Variants in PCDH15 observed in about 807,000 individuals in gnomAD.
PCDH15 encodes the protein protocadherin-15.
In PCDH15, 129 loss-of-function variants were observed where a neutral mutation model predicts 178.5. The ratio of observed to expected loss-of-function variants is 0.72; its 90% CI spans 0.63 to 0.84. The LOEUF is 0.84. Ranked by LOEUF, PCDH15 falls within the 40% of genes least tolerant of loss-of-function variation. The pLI is 0.00. For synonymous variants in PCDH15, 800 were observed against 732.0 expected (o/e 1.09, Z -1.50); for missense variants, 2,230 against 2,099.9 (o/e 1.06, Z -1.21).
At chr10:55,063,265 A>G (rs1161059896) in intron 2 of PCDH15, among the ~76,000 whole-genome samples, 1 of 152,176 alleles carries the variant, frequency 6.6e-6, no homozygotes, top group Non-Finnish European at 1.5e-5. Flanking sequence ...GTTTTATAAA[A>G]TACAGTTTCT....
chr10:54,347,146 T>C (rs970408253), intron 5 of PCDH15, among the ~76,000 whole-genome samples: 21 of 152,226 alleles, frequency 1.4e-4, no homozygotes, highest in African/African-American at 4.8e-4. Context: ...CTAGTCTTAA[T>C]TCTTACTTAT....
chr10:55,167,856 T>C (rs1365056926), intron 1 of PCDH15, among the ~76,000 whole-genome samples: 1 of 152,172 alleles, frequency 6.6e-6, no homozygotes, highest in Non-Finnish European at 1.5e-5. Context: ...TATTTTACAA[T>C]GGTTCTAAGG....
At chr10:54,356,765 T>A (rs991167107) in intron 5 of PCDH15, among the ~76,000 whole-genome samples, 4 of 151,832 alleles carry the variant, frequency 2.6e-5, no homozygotes, top group Non-Finnish European at 4.4e-5. Flanking sequence ...TTATTCTGTA[T>A]GGGGACCTGG....
chr10:54,852,654 C>T (rs973333203), intron 3 of PCDH15, among the ~76,000 whole-genome samples: 1 of 150,254 alleles, frequency 6.7e-6, no homozygotes, highest in Non-Finnish European at 1.5e-5. Context: ...AGTTCAAGAC[C>T]AACTTGGCTA....
intron 2 of PCDH15, among the ~76,000 whole-genome samples, chr10:54,659,767 A>AT (rs35826456): frequency 0.41 from 61,514 of 149,978 alleles, 14,120 homozygotes; most frequent in Non-Finnish European, 0.53. Flanking sequence ...AAAAAAAAAA[A>AT]ATACATATCA....
chr10:54,926,154 G>T (rs1353353600), intron 2 of PCDH15, among the ~76,000 whole-genome samples: 3 of 152,060 alleles, frequency 2.0e-5, no homozygotes, highest in Non-Finnish European at 2.9e-5. Context: ...GTTTTAACCT[G>T]AAGGAATGTT....
chr10:55,167,189 C>A (rs562385029), intron 1 of PCDH15, among the ~76,000 whole-genome samples: 13 of 152,120 alleles, frequency 8.5e-5, no homozygotes, highest in Non-Finnish European at 1.6e-4. Context: ...TCACAGCTCA[C>A]TGCAGCCTCA....
chr10:54,052,138 A>C (rs913399540), intron 18 of PCDH15, among the ~76,000 whole-genome samples: 1 of 152,224 alleles, frequency 6.6e-6, no homozygotes, highest in South Asian at 2.1e-4. Context: ...ACGGTAGTGC[A>C]GAAAGGAAAC....
At chr10:55,467,966 C>CAA (rs71463104) in intron 2 of PCDH15, among the ~76,000 whole-genome samples, 1,203 of 36,228 alleles carry the variant, frequency 0.033, 119 homozygotes, top group African/African-American at 0.063. Context: ...GACTCCGTCT[C>CAA]AAAAAAAAAA....
intron 6 of PCDH15, among the ~76,000 whole-genome samples, chr10:54,331,283 ATC>A (rs1939499192): frequency 6.6e-6 from 1 of 151,408 alleles, no homozygotes; most frequent in African/African-American, 2.4e-5. Context: ...TTGTCTCTCT[ATC>A]TCTCTTTCTC....
At chr10:55,155,548 C>T (rs745420420) in intron 2 of PCDH15, among the ~76,000 whole-genome samples, 102 of 148,684 alleles carry the variant, frequency 6.9e-4, no homozygotes, top group Non-Finnish European at 1.1e-3. Flanking sequence ...TATCATAGAT[C>T]AGAAAAAGGA....
intron 2 of PCDH15, among the ~76,000 whole-genome samples, chr10:55,076,027 T>C (rs1841877122): frequency 1.3e-5 from 2 of 152,208 alleles, no homozygotes; most frequent in Non-Finnish European, 2.9e-5. Context: ...GTTTTGTTTC[T>C]ATGTATTTAT....
rs138186625 is a variant in PCDH15, at chr10:55,263,270, T to A, written c.-156+56329A>T. Among the ~76,000 whole-genome samples, 23 of 152,306 alleles carry A rather than the reference T, an allele frequency of 1.5e-4. No individual in the cohort carries two copies. The East Asian group carries it at 4.3e-3, about 28-fold the overall frequency. ...TCACCTCTTTTCTCTCTTTTATGGT[T>A]TGAAATGGCTTTTATCTCTTCCTTT... is the stretch of plus-strand genomic sequence containing the variant. On this transcript the variant is annotated intron_variant, in intron 1 of 5. Coordinates refer to the PCDH15 transcript ENST00000458638.
chr10:54,770,088 CA>C (rs1226569167), intron 1 of PCDH15, among the ~76,000 whole-genome samples: 1 of 152,078 alleles, frequency 6.6e-6, no homozygotes, highest in African/African-American at 2.4e-5. Context: ...CAACATCAAA[CA>C]ATGCAGATAC....
chr10:55,480,543 T>C (rs1053176908), intron 2 of PCDH15, among the ~76,000 whole-genome samples: 1 of 151,414 alleles, frequency 6.6e-6, no homozygotes, highest in Admixed American at 6.6e-5. Context: ...TATCATGAAG[T>C]GATGCTGAAT....
chr10:54,721,839 G>A (rs993245477), intron 1 of PCDH15, among the ~76,000 whole-genome samples: 1 of 151,792 alleles, frequency 6.6e-6, no homozygotes, highest in Non-Finnish European at 1.5e-5. Flanking sequence ...AAGCCATCAA[G>A]GAGGAAAGAC....
At chr10:55,438,224 C>CACACAA (rs756183184) in intron 2 of PCDH15, among the ~76,000 whole-genome samples, 2 of 151,550 alleles carry the variant, frequency 1.3e-5, no homozygotes, top group East Asian at 3.9e-4. Flanking sequence ...CACACACACA[C>CACACAA]AAAATACCTA....
chr10:54,958,984 A>G (rs963214399), intron 2 of PCDH15, among the ~76,000 whole-genome samples: 4 of 152,000 alleles, frequency 2.6e-5, no homozygotes, highest in African/African-American at 9.6e-5. Context: ...TACAAATACA[A>G]CCTTTTAAGG....
intron 1 of PCDH15, among the ~76,000 whole-genome samples, chr10:55,188,684 T>TA (rs199955414): frequency 1.4e-4 from 21 of 151,832 alleles, no homozygotes; most frequent in East Asian, 3.9e-4. Flanking sequence ...ATCCTTTTTT[T>TA]AAAAAAAATA....
Sources: gnomAD v4.1 joint callset for allele counts (sites outside exome capture counted in the v4.1 genomes callset) on GRCh38, gnomAD v4.1.1 for gene constraint, MANE v1.5 for transcripts, NCBI Gene and HGNC (gene_info 2026-07-23, HGNC 2026-07-21) for gene names.